The following PDE10A variants were observed in gnomAD, a reference collection of about 807,000 sequenced individuals.
The protein encoded by PDE10A is cAMP and cAMP-inhibited cGMP 3',5'-cyclic phosphodiesterase 10A.
Under a neutral mutation model 97.7 loss-of-function variants are expected in PDE10A, and 39 were observed. The observed-to-expected ratio is 0.40, with a 90% CI of 0.31 to 0.52. PDE10A has a LOEUF of 0.52. PDE10A is among the 20% of genes least tolerant of loss of function. The pLI, the probability that PDE10A is intolerant of heterozygous loss-of-function variation, is 0.56. For missense variants in PDE10A, 731 were observed against 1,047.8 expected (o/e 0.70, Z 4.17); for synonymous variants, 371 against 376.8 (o/e 0.98, Z 0.18).
intron 5 of PDE10A, among the ~76,000 whole-genome samples, chr6:165,442,544 C>T (rs1016749896): frequency 1.3e-5 from 2 of 152,146 alleles, no homozygotes; most frequent in African/African-American, 2.4e-5. Context: ...GGAAGTGCCA[C>T]ACACTTTTTA....
Position 165,844,937 on chromosome 6 carries a change from T to C in PDE10A, c.-615+142592A>G, listed in dbSNP as rs1447526776. ...ACAAAAGGCGATTCTTATTAACCCT[T>C]GGACACACTTTTTGACAGACTGCTG... is the stretch of plus-strand genomic sequence containing the variant. On this transcript the variant is annotated intron_variant, in intron 1 of 19. Coordinates refer to the PDE10A transcript ENST00000366882. Among the ~76,000 whole-genome samples the C allele has an allele frequency of 2.0e-5, 3 of 152,350 alleles. No individual in the cohort carries two copies. The East Asian group carries it at 5.8e-4, about 29-fold the overall frequency.
chr6:165,757,114 C>T (rs1562720931), intron 1 of PDE10A, among the ~76,000 whole-genome samples: 2 of 152,030 alleles, frequency 1.3e-5, no homozygotes, highest in Non-Finnish European at 2.9e-5. Flanking sequence ...TTACAGGCAC[C>T]CACCACCACA....
chr6:165,717,258 T>C (rs965691141), intron 1 of PDE10A, among the ~76,000 whole-genome samples: 3 of 152,226 alleles, frequency 2.0e-5, no homozygotes, highest in Admixed American at 2.0e-4. Flanking sequence ...GACACTTGAC[T>C]TGCTTCTACC....
chr6:165,606,418 C>T (rs1283411708), intron 1 of PDE10A, among the ~76,000 whole-genome samples: 1 of 152,136 alleles, frequency 6.6e-6, no homozygotes, highest in Non-Finnish European at 1.5e-5. Context: ...CTTGTTCTCA[C>T]TCAGGAATGC....
At chr6:165,422,378 G>GGCATACACACAC (rs1254273785) in intron 10 of PDE10A, among the ~76,000 whole-genome samples, 2 of 105,074 alleles carry the variant, frequency 1.9e-5, no homozygotes, top group Non-Finnish European at 3.9e-5. Context: ...TACACACACA[G>GGCATACACACAC]GCATACACAC....
At position 165,474,520 on chromosome 6, in the gene PDE10A, T is replaced by C. The variant is rs372703135; in HGVS notation, c.1023+7795A>G. Among the ~76,000 whole-genome samples the C allele has an allele frequency of 9.8e-5, 15 of 152,308 alleles. No homozygotes were observed. In the East Asian group the frequency reaches 1.9e-3, roughly 20 times the overall value. On this transcript the variant is annotated intron_variant, in intron 3 of 21. Coordinates refer to ENST00000539869, the MANE Select transcript of PDE10A (RefSeq NM_001385079.1). ...AGTAAAAACATTTTGAAGGAAAAAT[T>C]TGAGTAACTACCATCGAGTATTATG...
intron 1 of PDE10A, among the ~76,000 whole-genome samples, chr6:165,590,896 TA>T (rs1786224220): frequency 6.7e-6 from 1 of 150,316 alleles, no homozygotes; most frequent in African/African-American, 2.4e-5. Context: ...GTCTCAAAAA[TA>T]GAAAAAAAAA....
At chr6:165,520,234 C>T (rs908001272) in intron 2 of PDE10A, among the ~76,000 whole-genome samples, 9 of 152,264 alleles carry the variant, frequency 5.9e-5, no homozygotes, top group Admixed American at 5.2e-4. Context: ...GTTTGAAGCA[C>T]GTTCTATCAT....
At chr6:165,943,221 A>AAG (rs1442198393) in intron 1 of PDE10A, among the ~76,000 whole-genome samples, 1 of 81,742 alleles carries the variant, frequency 1.2e-5, no homozygotes, top group African/African-American at 5.2e-5. Context: ...GAAAGAAAGA[A>AAG]AGAAAGAAAG....
In PDE10A at chr6:165,802,357, C is replaced by T. The variant is rs76267005; in HGVS notation, c.-615+185172G>A. ...TGCACGAATATCCCCTGGCATTCTT[C>T]AACACTTCCCAAGTTTGTCACACCT... On this transcript the variant is annotated intron_variant, in intron 1 of 19. Transcript: ENST00000366882. Among the ~76,000 whole-genome samples, 636 of 152,314 alleles carry T rather than the reference C, an allele frequency of 4.2e-3. 7 individuals are homozygous for T. Among genetic ancestry groups the T allele is most frequent in the African/African-American group, 0.015 (613 of 41,568 alleles).
intron 1 of PDE10A, chr6:165,949,645 A>G (rs1190233428): frequency 1.3e-5 from 2 of 152,186 alleles, no homozygotes. Flanking sequence ...AACGTAGGAG[A>G]TCTCTTTAGA....
chr6:165,777,572 T>G (rs1219944645), intron 1 of PDE10A, among the ~76,000 whole-genome samples: 3 of 152,204 alleles, frequency 2.0e-5, no homozygotes, highest in African/African-American at 4.8e-5. Context: ...TGGTGAACTC[T>G]GTTAAATATA....
intron 1 of PDE10A, among the ~76,000 whole-genome samples, chr6:165,968,639 A>T (rs141000472): frequency 6.6e-6 from 1 of 152,380 alleles, no homozygotes; most frequent in East Asian, 1.9e-4. Context: ...GGAAAACTTC[A>T]GTTGTGTCTA....
At position 165,685,063 on chromosome 6, in the gene PDE10A, TA is replaced by T. The variant is rs563316366; in HGVS notation, c.-614-141496del. ...TATCTGCTAGTTTAAGAAATAGACT[TA>T]AAAAATCGCTATGTGATATAAACTA... On this transcript the variant is annotated intron_variant, in intron 1 of 19. Transcript: ENST00000366882. 1.1e-4 allele frequency among the ~76,000 whole-genome samples: 16 copies of T among 152,294 alleles called. No individual in the cohort carries two copies. In the South Asian group the frequency reaches 2.5e-3, roughly 24 times the overall value.
chr6:165,584,674 G>C (rs1166522311), intron 1 of PDE10A, among the ~76,000 whole-genome samples: 2 of 152,186 alleles, frequency 1.3e-5, no homozygotes, highest in Non-Finnish European at 2.9e-5. Context: ...ACAAAAAGAA[G>C]GTTAGGAAGA....
At chr6:165,974,665 C>T (rs1281116089) in intron 1 of PDE10A, among the ~76,000 whole-genome samples, 1 of 152,236 alleles carries the variant, frequency 6.6e-6, no homozygotes, top group African/African-American at 2.4e-5. Flanking sequence ...CATTGCACAT[C>T]TGTTTTACAT....
At chr6:165,458,233 C>T (rs1398297316) in intron 3 of PDE10A, among the ~76,000 whole-genome samples, 1 of 152,084 alleles carries the variant, frequency 6.6e-6, no homozygotes, top group Non-Finnish European at 1.5e-5. Flanking sequence ...ACCTTGTATA[C>T]CTTTTACCCA....
chr6:165,516,523 G>C (rs1781818149), intron 2 of PDE10A, among the ~76,000 whole-genome samples: 1 of 152,110 alleles, frequency 6.6e-6, no homozygotes, highest in Non-Finnish European at 1.5e-5. Context: ...AACCTTATTT[G>C]ATAGCGGTAT....
intron 1 of PDE10A, among the ~76,000 whole-genome samples, chr6:165,929,265 G>A (rs1340764936): frequency 6.6e-6 from 1 of 152,198 alleles, no homozygotes; most frequent in Admixed American, 6.5e-5. Context: ...TCGAGTGCAG[G>A]TCAGATTTGA....
Sources: gnomAD v4.1 joint callset for allele counts (sites outside exome capture counted in the v4.1 genomes callset) on GRCh38, gnomAD v4.1.1 for gene constraint, MANE v1.5 for transcripts, NCBI Gene and HGNC (gene_info 2026-07-23, HGNC 2026-07-21) for gene names.